PBRM1: variants seen among roughly 807,000 people sequenced by gnomAD.
The protein encoded by PBRM1 is polybromo 1.
PBRM1 carries 27 observed loss-of-function variants against 194.5 expected under a neutral mutation model. The ratio of observed to expected loss-of-function variants is 0.14; its 90% confidence interval spans 0.10 to 0.19. PBRM1 has a LOEUF of 0.19. Ranked by LOEUF, PBRM1 falls within the 10% of genes least tolerant of loss-of-function variation. PBRM1 has a pLI of 1.00. For synonymous variants in PBRM1, 655 were observed against 693.2 expected (o/e 0.94, Z 0.87); for missense variants, 1,466 against 2,077.2 (o/e 0.71, Z 5.72).
intron 2 of PBRM1, among the ~76,000 whole-genome samples, chr3:52,675,144 T>A (rs919601679): frequency 4.6e-5 from 7 of 152,214 alleles, no homozygotes; most frequent in Non-Finnish European, 8.8e-5. Flanking sequence ...AATGGATAAT[T>A]TCCTAGAAAC....
intron 22 of PBRM1, among the ~76,000 whole-genome samples, chr3:52,570,041 G>A (rs1202581189): frequency 6.6e-6 from 1 of 152,120 alleles, no homozygotes; most frequent in Non-Finnish European, 1.5e-5. Flanking sequence ...ACTCGATCTT[G>A]GCTCACTGCA....
intron 7 of PBRM1, among the ~76,000 whole-genome samples, chr3:52,647,451 AAAAAAAATATATATATATATATATATAT>A (rs2096340664): frequency 1.3e-5 from 1 of 75,422 alleles, no homozygotes. Flanking sequence ...AAAAAAAAAA[AAAAAAAATATATATATATATATATATAT>A]ATATATATAT....
Position 52,576,469 on chromosome 3 carries a change from G to A in PBRM1, c.3691+72C>T, listed in dbSNP as rs142347882. ...CTCTATACCTAACACCTAGAACAGT[G>A]CCCCACAGAAGTAGTATTCCATCAA... On this transcript the variant is annotated intron_variant, in intron 22 of 29. Coordinates refer to ENST00000296302, the Ensembl canonical transcript of PBRM1. 1,331 of 1,185,150 alleles carry A rather than the reference G, an allele frequency of 1.1e-3. 10 individuals carry two copies. The African/African-American group carries it at 0.018, about 16-fold the overall frequency. 73.4% of individuals were successfully genotyped at this position (1,185,150 alleles called of 1,614,324 possible).
chr3:52,678,867 T>C (rs962009670), intron 1 of PBRM1, among the ~76,000 whole-genome samples: 2 of 152,222 alleles, frequency 1.3e-5, no homozygotes, highest in Non-Finnish European at 2.9e-5. Flanking sequence ...ACTTTCTTGC[T>C]TAAAGTCATC....
chr3:52,618,903 C>T (rs1285206836), intron 13 of PBRM1, among the ~76,000 whole-genome samples: 1 of 152,192 alleles, frequency 6.6e-6, no homozygotes, highest in Non-Finnish European at 1.5e-5. Flanking sequence ...AGGCATGCAC[C>T]ACCACGCTTG....
At chr3:52,614,373 C>CAAA (rs1165930996) in intron 15 of PBRM1, among the ~76,000 whole-genome samples, 868 of 40,436 alleles carry the variant, frequency 0.021, 35 homozygotes, top group African/African-American at 0.027. Flanking sequence ...GATGCTTCAT[C>CAAA]AAAAAAAAAA....
At chr3:52,548,455 C>G (rs1470221347) in intron 29 of PBRM1, among the ~76,000 whole-genome samples, 2 of 149,236 alleles carry the variant, frequency 1.3e-5, no homozygotes, top group African/African-American at 5.0e-5. Flanking sequence ...GACATCGAGT[C>G]TCGCTCTGTC....
intron 27 of PBRM1, among the ~76,000 whole-genome samples, chr3:52,553,094 C>T (rs2081357952): frequency 6.6e-6 from 1 of 152,220 alleles, no homozygotes; most frequent in African/African-American, 2.4e-5. Context: ...CTGCAAAACC[C>T]TATCACTGGT....
exon 5 of PBRM1, chr3:52,658,220 A>G: frequency 2.5e-6 from 4 of 1,602,546 alleles, no homozygotes; most frequent in Non-Finnish European, 3.4e-6. Context: ...GCAGTTTCTG[A>G]AAAAGTTCGC....
intron 2 of PBRM1, among the ~76,000 whole-genome samples, chr3:52,676,278 C>T (rs908381748): frequency 5.3e-5 from 8 of 152,152 alleles, no homozygotes; most frequent in African/African-American, 1.9e-4. Context: ...TGGCTGTATC[C>T]CCATTCAAAT....
intron 10 of PBRM1, among the ~76,000 whole-genome samples, chr3:52,636,640 C>T (rs555135951): frequency 1.3e-5 from 2 of 150,408 alleles, no homozygotes; most frequent in African/African-American, 4.9e-5. Flanking sequence ...GACTGTAATC[C>T]CAGCTACTCG....
intron 11 of PBRM1, among the ~76,000 whole-genome samples, chr3:52,633,044 T>C (rs2095673114): frequency 6.6e-6 from 1 of 152,150 alleles, no homozygotes. Flanking sequence ...TATAAAATAC[T>C]TCCATAATGC....
At chr3:52,621,480 A>G (rs1208626283) in intron 13 of PBRM1, among the ~76,000 whole-genome samples, 1 of 152,144 alleles carries the variant, frequency 6.6e-6, no homozygotes, top group Non-Finnish European at 1.5e-5. Context: ...ACTGTTTTCA[A>G]TGTCACTTTG....
At chr3:52,575,144 C>T (rs1267718381) in intron 22 of PBRM1, among the ~76,000 whole-genome samples, 1 of 152,126 alleles carries the variant, frequency 6.6e-6, no homozygotes, top group African/African-American at 2.4e-5. Context: ...CTCAAGCGAC[C>T]TGCCCATGTC....
At chr3:52,606,937 T>C (rs2094379189) in intron 16 of PBRM1, among the ~76,000 whole-genome samples, 2 of 152,238 alleles carry the variant, frequency 1.3e-5, no homozygotes, top group Admixed American at 1.3e-4. Context: ...TTGTTACGTC[T>C]CACTGTTCAG....
intron 20 of PBRM1, among the ~76,000 whole-genome samples, chr3:52,579,703 C>G (rs2090603504): frequency 6.6e-6 from 1 of 152,162 alleles, no homozygotes; most frequent in Non-Finnish European, 1.5e-5. Flanking sequence ...GAAGACTTAT[C>G]AAGTATCTAT....
At chr3:52,613,821 C>A (rs998781878) in intron 15 of PBRM1, among the ~76,000 whole-genome samples, 1 of 151,994 alleles carries the variant, frequency 6.6e-6, no homozygotes, top group Non-Finnish European at 1.5e-5. Context: ...GAGACCCTGC[C>A]TCTATTAATT....
At chr3:52,683,322 C>T (rs976688671), upstream of PBRM1, among the ~76,000 whole-genome samples, 6 of 150,382 alleles carry the variant, frequency 4.0e-5, no homozygotes, top group South Asian at 2.1e-4. Flanking sequence ...TGCAGCAAGC[C>T]GAGATCATAC....
intron 26 of PBRM1, among the ~76,000 whole-genome samples, chr3:52,557,528 A>G (rs1438741577): frequency 6.6e-6 from 1 of 152,236 alleles, no homozygotes; most frequent in Admixed American, 6.5e-5. Context: ...CATGTCAGAC[A>G]AAGATATTCA....
Sources: gnomAD v4.1 joint callset for allele counts (sites outside exome capture counted in the v4.1 genomes callset) on GRCh38, gnomAD v4.1.1 for gene constraint, MANE v1.5 for transcripts, NCBI Gene and HGNC (gene_info 2026-07-23, HGNC 2026-07-21) for gene names.